PMEPA1: variants seen among roughly 807,000 people sequenced by gnomAD.
The protein encoded by PMEPA1 is protein TMEPAI.
PMEPA1 carries 11 observed loss-of-function variants against 23.0 expected under a neutral mutation model. The observed-to-expected ratio is 0.48, with a 90% CI of 0.30 to 0.79. PMEPA1 has a LOEUF of 0.79. PMEPA1 is among the 30% of genes least tolerant of loss of function. The pLI is 0.06. For missense variants in PMEPA1, 377 were observed against 390.9 expected, an observed-to-expected ratio of 0.96 and a Z score of 0.30; for synonymous variants, 204 against 166.4, an observed-to-expected ratio of 1.23 and a Z score of -1.74.
At chr20:57,673,265 T>C (rs2071593882) in intron 1 of PMEPA1, among the ~76,000 whole-genome samples, 1 of 151,912 alleles carries the variant, frequency 6.6e-6, no homozygotes, top group Admixed American at 6.6e-5. Flanking sequence ...GGCCTGCGTC[T>C]ACCCCATTTC....
intron 1 of PMEPA1, among the ~76,000 whole-genome samples, chr20:57,703,283 A>C (rs2072036063): frequency 6.6e-6 from 1 of 152,158 alleles, no homozygotes; most frequent in South Asian, 2.1e-4. Context: ...CCTTTCTTTT[A>C]ATGGTTTGCC....
intron 2 of PMEPA1, among the ~76,000 whole-genome samples, chr20:57,653,420 C>A (rs1030378844): frequency 1.3e-5 from 2 of 152,232 alleles, no homozygotes; most frequent in African/African-American, 4.8e-5. Flanking sequence ...CCAGGCTGAA[C>A]ATGGCCTCAG....
At chr20:57,672,327 T>C (rs983666098) in intron 1 of PMEPA1, among the ~76,000 whole-genome samples, 4 of 152,268 alleles carry the variant, frequency 2.6e-5, no homozygotes, top group African/African-American at 7.2e-5. Flanking sequence ...TCTCAATTAC[T>C]GATTTTCAAG....
Position 57,709,564 on chromosome 20 carries a change from C to A in PMEPA1, c.19G>T (p.Val7Phe). 9.3e-7 allele frequency: 1 copy of A among 1,078,854 alleles called. No homozygotes were observed. Among genetic ancestry groups the A allele is most frequent in the Non-Finnish European group, 1.1e-6 (1 of 874,544 alleles). The allele number at this position is 1,078,854 out of a possible 1,614,324, so 66.8% of individuals were successfully genotyped here. A position where few individuals can be genotyped will look rare whatever the true frequency, so the allele number is the denominator to read the frequency against. ...GCGGCGGCGGCGGCGGTGCTGTTGA[C>A]CCCCATCAAGCGGTGCATGGACGGC... Reference protein sequence around the residue: MHRLMGVNSTAAAAAGQ... With the variant: MHRLMGFNSTAAAAAGQ... Residue 7 changes from valine (V) to phenylalanine (F), a missense_variant, in exon 1 of 4, where the codon GTC becomes TTC. By Grantham distance (50) the Val-to-Phe change is conservative (BLOSUM62 -1). Coordinates refer to ENST00000341744, the MANE Select transcript of PMEPA1 (RefSeq NM_020182.5).
At chr20:57,674,468 C>T (rs1433478103) in intron 1 of PMEPA1, among the ~76,000 whole-genome samples, 1 of 152,196 alleles carries the variant, frequency 6.6e-6, no homozygotes, top group Non-Finnish European at 1.5e-5. Flanking sequence ...ATTACAGCGG[C>T]CTGAGCAGAA....
chr20:57,709,034 C>A (rs1349346360), intron 1 of PMEPA1, among the ~76,000 whole-genome samples: 1 of 152,092 alleles, frequency 6.6e-6, no homozygotes, highest in Non-Finnish European at 1.5e-5. Context: ...ACACTCCAGA[C>A]ACACGCCCGG....
At position 57,709,414 on chromosome 20, in the gene PMEPA1, C is replaced by A. The variant is rs1318333324; in HGVS notation, c.109+60G>T. On this transcript the variant is annotated intron_variant, in intron 1 of 3. Coordinates refer to ENST00000341744, the MANE Select transcript of PMEPA1 (RefSeq NM_020182.5). ...GCCCGGACCCCCGCTCGCAGCTGTG[C>A]CCCGACATAGGGTCCGAGCCCGATG... The A allele has an allele frequency of 7.7e-6, 8 of 1,036,964 alleles. No individual in the cohort carries two copies. In the South Asian group the frequency reaches 2.5e-4, roughly 32 times the overall value. The allele number at this position is 1,036,964 out of a possible 1,614,324, so 64.2% of individuals were successfully genotyped here.
At chr20:57,661,150 T>C (rs2071413372) in intron 1 of PMEPA1, among the ~76,000 whole-genome samples, 1 of 152,230 alleles carries the variant, frequency 6.6e-6, no homozygotes, top group African/African-American at 2.4e-5. Context: ...TTTTCTTTTT[T>C]GGTTTTTGAT....
rs531197465 is a variant in PMEPA1, at chr20:57,709,398, C to G, written c.109+76G>C. ...CGAGGGGGCGCGCAGGGCCCGGACCCCCGCTCGCAGCTGTGCCCCGACATA... is the reference window on the plus strand; with the variant it reads ...CGAGGGGGCGCGCAGGGCCCGGACCGCCGCTCGCAGCTGTGCCCCGACATA... On this transcript the variant is annotated intron_variant, in intron 1 of 3. Transcript: ENST00000341744. The G allele has an allele frequency of 1.9e-3, 1,891 of 999,372 alleles. 22 individuals carry two copies. The South Asian group carries it at 0.033, about 17-fold the overall frequency. The allele number at this position is 999,372 out of a possible 1,614,324, so 61.9% of individuals were successfully genotyped here. A position where few individuals can be genotyped will look rare whatever the true frequency, so the allele number is the denominator to read the frequency against.
Position 57,683,158 on chromosome 20 carries a change from C to A in PMEPA1, c.110-23461G>T, listed in dbSNP as rs1033766927. 6.6e-6 allele frequency among the ~76,000 whole-genome samples: 1 copy of A among 152,136 alleles called. No homozygotes were observed. The highest frequency in any genetic ancestry group is 1.5e-5 in the Non-Finnish European group (1 of 68,018). ...TGCTCACGTTAGAGGGCACGGATAT[C>A]CCCCACTGCTTTTTAAAAAGAAAAA... On this transcript the variant is annotated intron_variant, in intron 1 of 3. Coordinates refer to ENST00000341744, the MANE Select transcript of PMEPA1 (RefSeq NM_020182.5). This position sits in a 1 kb window ranked among gnomAD's most constrained non-coding sequence, Gnocchi z 4.3.
intron 1 of PMEPA1, among the ~76,000 whole-genome samples, chr20:57,688,460 A>G (rs1352468187): frequency 6.6e-6 from 1 of 152,170 alleles, no homozygotes. Context: ...GTGACAACCA[A>G]AAAGTCTCCA....
chr20:57,707,456 C>T (rs945595380), intron 1 of PMEPA1, among the ~76,000 whole-genome samples: 2 of 152,182 alleles, frequency 1.3e-5, no homozygotes, highest in Non-Finnish European at 2.9e-5. Flanking sequence ...ACTGGGGCAC[C>T]CAGGGGCCAG....
rs915507139 is a variant in PMEPA1 at position 57,655,338 on chromosome 20, C to T, written c.265-2252G>A. 2.6e-5 allele frequency among the ~76,000 whole-genome samples: 4 copies of T among 152,186 alleles called. No homozygotes were observed. In the East Asian group the frequency reaches 7.7e-4, roughly 29 times the overall value. ...GGTCAGGCACCTCCTCCCATCTCCT[C>T]CAGTCCCCTCCTGCACCACAGCCTT... On this transcript the variant is annotated intron_variant, in intron 2 of 3. Coordinates refer to ENST00000341744, the MANE Select transcript of PMEPA1 (RefSeq NM_020182.5). The surrounding 1 kb of genome is among the most constrained non-coding windows in gnomAD (Gnocchi z 4.2).
chr20:57,710,524 C>T (rs1220656979), upstream of PMEPA1: 5 of 1,569,858 alleles, frequency 3.2e-6, no homozygotes, highest in Non-Finnish European at 3.5e-6. Flanking sequence ...GATCATGGCC[C>T]ACTGAACCCC....
At chr20:57,685,568 T>C (rs2071790010) in intron 1 of PMEPA1, among the ~76,000 whole-genome samples, 1 of 152,178 alleles carries the variant, frequency 6.6e-6, no homozygotes, top group South Asian at 2.1e-4. Flanking sequence ...TGCTAAGTTA[T>C]CGGTCTGGTT....
intron 1 of PMEPA1, among the ~76,000 whole-genome samples, chr20:57,686,350 C>G (rs577752321): frequency 3.9e-5 from 6 of 152,332 alleles, no homozygotes; most frequent in Non-Finnish European, 7.3e-5. Context: ...TCCATGCCTG[C>G]CCTGCTCATG....
intron 2 of PMEPA1, among the ~76,000 whole-genome samples, chr20:57,658,838 T>G (rs1654491461): frequency 6.6e-6 from 1 of 152,202 alleles, no homozygotes; most frequent in Admixed American, 6.5e-5. Flanking sequence ...CCCTTCCGTC[T>G]GGGTCAGGGC....
intron 1 of PMEPA1, among the ~76,000 whole-genome samples, chr20:57,696,155 G>T (rs1295687712): frequency 7.2e-5 from 11 of 152,166 alleles, no homozygotes; most frequent in African/African-American, 2.7e-4. Flanking sequence ...GAAGTGTGTG[G>T]AGGATGGGAG....
chr20:57,709,514 C>A lies in PMEPA1; in HGVS notation c.69G>T (p.Thr23=). 4 of 1,137,440 alleles carry A rather than the reference C, an allele frequency of 3.5e-6. No individual in the cohort carries two copies. Among genetic ancestry groups the A allele is most frequent in the Non-Finnish European group, 4.4e-6 (4 of 905,838 alleles). 70.5% of individuals were successfully genotyped at this position (1,137,440 alleles called of 1,614,324 possible). A position where few individuals can be genotyped will look rare whatever the true frequency, so the allele number is the denominator to read the frequency against. The change falls in exon 1 of 4, where the codon ACG becomes ACT. Residue 23 remains threonine, a synonymous_variant. Coordinates refer to ENST00000341744, the MANE Select transcript of PMEPA1 (RefSeq NM_020182.5). ...AAAGQPNVSC[T]CNCKRSLFQS... ...GGAACAAAGAGCGTTTGCAGTTGCA[C>A]GTGCAGGAGACATTGGGCTGCCCGG...
Sources: gnomAD v4.1 joint callset for allele counts (sites outside exome capture counted in the v4.1 genomes callset) on GRCh38, gnomAD v4.1.1 for gene constraint, Gnocchi (gnomAD v3.1) non-coding constraint, MANE v1.5 for transcripts, NCBI Gene and HGNC (gene_info 2026-07-23, HGNC 2026-07-21) for gene names.